EVX1: variants seen among roughly 807,000 people sequenced by gnomAD.
EVX1 encodes even-skipped homeobox 1.
A neutral mutation model predicts 28.6 loss-of-function variants in EVX1; 19 were observed. That is an observed-to-expected ratio of 0.67 (90% CI 0.46 to 0.98). EVX1 has a LOEUF of 0.98. Among genes scored for constraint, EVX1 ranks in the 50% least tolerant of loss-of-function variants. EVX1 has a pLI of 0.00. For missense variants in EVX1, 660 were observed against 583.0 expected, an observed-to-expected ratio of 1.13 and a Z score of -1.36; for synonymous variants, 324 against 278.2, an observed-to-expected ratio of 1.16 and a Z score of -1.64.
chr7:27,245,844 G>A, intron 2 of EVX1, 42 bp from the exon 3 acceptor site: 1 of 1,591,666 alleles, frequency 6.3e-7, no homozygotes, highest in Non-Finnish European at 8.5e-7. Flanking sequence ...CTGAGCATCG[G>A]GCCAAGTCCA....
At position 27,243,254 on chromosome 7, in the gene EVX1, G is replaced by A; in HGVS notation, c.224G>A (p.Gly75Asp). The change falls in exon 1 of 3, where the codon GGC becomes GAC. Residue 75 changes from glycine (G) to aspartate (D), a missense_variant. Transcript: ENST00000496902. ...GAGGAGCCGGTAGATGGACTCGCAGGCAGCGCGGCGGGGCCGGGCGCCGAG... is the reference window on the plus strand; with the variant it reads ...GAGGAGCCGGTAGATGGACTCGCAGACAGCGCGGCGGGGCCGGGCGCCGAG... ...PEEEPVDGLA[G>D]SAAGPGAEPQ... The A allele has an allele frequency of 1.3e-6, 2 of 1,546,092 alleles. No individual in the cohort carries two copies. Among genetic ancestry groups the A allele is most frequent in the Non-Finnish European group, 1.7e-6 (2 of 1,145,822 alleles).
chr7:27,245,416 G>C, intron 2 of EVX1, 112 bp downstream of exon 2: 1 of 1,471,786 alleles, frequency 6.8e-7, no homozygotes, highest in South Asian at 1.3e-5. Context: ...GGGTCTCCCT[G>C]CCCGGCGCGT....
intron 1 of EVX1, 49 bp downstream of exon 1, chr7:27,243,506 T>A: frequency 1.0e-5 from 16 of 1,525,472 alleles, no homozygotes; most frequent in Non-Finnish European, 1.3e-5. Flanking sequence ...GCGCCCACCC[T>A]TCACTTCGGC....
At position 27,243,046 on chromosome 7, in the gene EVX1, G is replaced by C. The variant is rs1297781309; in HGVS notation, c.16G>C (p.Asp6His). 1 of 1,604,790 alleles carries C rather than the reference G, an allele frequency of 6.2e-7. No individual in the cohort carries two copies. Among genetic ancestry groups the C allele is most frequent in the Non-Finnish European group, 8.5e-7 (1 of 1,175,732 alleles). ...GAGCCCCGGGATGGAGAGCCGAAAG[G>C]ACATGGTTGTGTTTCTGGATGGGGG... is the stretch of plus-strand genomic sequence containing the variant. MESRK[D>H]MVVFLDGGQL... The change falls in exon 1 of 3, where the codon GAC (aspartate) becomes CAC (histidine). Residue 6 changes from aspartate to histidine, a missense_variant. Physicochemically the swap from Asp to His is moderately conservative, Grantham distance 81 (BLOSUM62 -1). Around this residue, in one of 3 missense-constraint regions of EVX1, gnomAD observed 308 missense variants for 256.6 expected, o/e 1.20. Coordinates refer to ENST00000496902, the MANE Select transcript of EVX1 (RefSeq NM_001989.5).
intron 1 of EVX1, 150 bp downstream of exon 1, chr7:27,243,607 G>C (rs1783088862): frequency 1.2e-6 from 1 of 842,890 alleles, no homozygotes; most frequent in African/African-American, 1.8e-5. Context: ...GCGTTCTGGC[G>C]GGGGTCTCCT....
At chr7:27,243,674 G>T in intron 1 of EVX1, 1 of 512,660 alleles carries the variant, frequency 2.0e-6, no homozygotes, top group Non-Finnish European at 3.3e-6. Context: ...AGTGCGGGGT[G>T]CTGAGGGGGC....
rs938885579 is a variant in EVX1 at position 27,247,029 on chromosome 7, C to A, written c.*604C>A. 1 of 151,998 alleles carries A rather than the reference C, an allele frequency of 6.6e-6. No homozygotes were observed. Among genetic ancestry groups the A allele is most frequent in the Non-Finnish European group, 1.5e-5 (1 of 68,130 alleles). 9.4% of individuals were successfully genotyped at this position (151,998 alleles called of 1,614,324 possible). On this transcript the variant is annotated 3_prime_UTR_variant, in exon 3 of 3. Transcript: ENST00000496902. ...AGAATCCAGCCCCTTGGCATGGGACCTGGAGCCTCGACTACACAGCATCTT... is the reference window on the plus strand; with the variant it reads ...AGAATCCAGCCCCTTGGCATGGGACATGGAGCCTCGACTACACAGCATCTT...
rs1434355602 is a variant in EVX1 at position 27,243,464 on chromosome 7, A to G, written c.427+7A>G. 1.9e-6 allele frequency: 3 copies of G among 1,573,312 alleles called. No homozygotes were observed. Among genetic ancestry groups the G allele is most frequent in the East Asian group, 4.6e-5 (2 of 43,244 alleles). On this transcript the variant is annotated splice_region_variant and intron_variant, in intron 1 of 2. Transcript: ENST00000496902. ...GAGTACCAGCACAGCAAAGGTAGCCACCGTGCCCCTCCGCTCCCCGGGCCT... is the reference window on the plus strand; with the variant it reads ...GAGTACCAGCACAGCAAAGGTAGCCGCCGTGCCCCTCCGCTCCCCGGGCCT...
In EVX1 at chr7:27,246,510, C is replaced by A; in HGVS notation, c.*85C>A. The A allele has an allele frequency of 7.4e-7, 1 of 1,350,958 alleles. No homozygotes were observed. The highest frequency in any genetic ancestry group is 1.0e-6 in the Non-Finnish European group (1 of 991,736). The allele number at this position is 1,350,958 out of a possible 1,614,324, so 83.7% of individuals were successfully genotyped here. A position where few individuals can be genotyped will look rare whatever the true frequency, so the allele number is the denominator to read the frequency against. Reference sequence around the variant, plus strand: ...ACTCAGCCAGCCTCGCTCCTCGCTCCTCGCTCCTCGCCCCTAGGACGCCAA... The same window carrying A: ...ACTCAGCCAGCCTCGCTCCTCGCTCATCGCTCCTCGCCCCTAGGACGCCAA... On this transcript the variant is annotated 3_prime_UTR_variant, in exon 3 of 3. Transcript: ENST00000496902.
At chr7:27,245,812 A>C in intron 2 of EVX1, 74 bp from the exon 3 acceptor site, 5 of 1,536,952 alleles carry the variant, frequency 3.3e-6, no homozygotes, top group Middle Eastern at 2.4e-4. Context: ...CTGTCCCCGG[A>C]GCGGGACCAG....
chr7:27,244,113 G>A (rs1052548625), intron 1 of EVX1, among the ~76,000 whole-genome samples: 2 of 152,246 alleles, frequency 1.3e-5, no homozygotes, highest in Admixed American at 1.3e-4. Context: ...CAAAGGAAAA[G>A]GAGCTGCAGG....
At position 27,246,519 on chromosome 7, in the gene EVX1, C is replaced by T. The variant is rs914809782; in HGVS notation, c.*94C>T. 3.6e-5 allele frequency: 46 copies of T among 1,293,398 alleles called. 1 individual carries two copies. The highest frequency in any genetic ancestry group is 2.7e-4 in the African/African-American group (18 of 65,510). The allele number at this position is 1,293,398 out of a possible 1,614,324, so 80.1% of individuals were successfully genotyped here. A position where few individuals can be genotyped will look rare whatever the true frequency, so the allele number is the denominator to read the frequency against. On this transcript the variant is annotated 3_prime_UTR_variant, in exon 3 of 3. Coordinates refer to ENST00000496902, the MANE Select transcript of EVX1 (RefSeq NM_001989.5). ...GCCTCGCTCCTCGCTCCTCGCTCCT[C>T]GCCCCTAGGACGCCAAGGGGGAAAG...
Position 27,246,636 on chromosome 7 carries a change from G to A in EVX1, c.*211G>A. 1 of 582,690 alleles carries A rather than the reference G, an allele frequency of 1.7e-6. No homozygotes were observed. Among genetic ancestry groups the A allele is most frequent in the Non-Finnish European group, 2.9e-6 (1 of 342,684 alleles). 36.1% of individuals were successfully genotyped at this position (582,690 alleles called of 1,614,324 possible). On this transcript the variant is annotated 3_prime_UTR_variant, in exon 3 of 3. Coordinates refer to ENST00000496902, the MANE Select transcript of EVX1 (RefSeq NM_001989.5). ...CTGGCGCGTTTGGGGAGCAGGAGTGGGGATAGGGAAGCAGAGCTTGAGAGA... is the reference window on the plus strand; with the variant it reads ...CTGGCGCGTTTGGGGAGCAGGAGTGAGGATAGGGAAGCAGAGCTTGAGAGA...
At position 27,246,166 on chromosome 7, in the gene EVX1, T is replaced by A; in HGVS notation, c.965T>A (p.Leu322Gln). ...VLSQPYPRPE[L>Q]LCAFRHPPLY... ...TCGCAGCCCTACCCGCGGCCCGAAC[T>A]GCTGTGCGCCTTCCGCCACCCGCCG... is the stretch of plus-strand genomic sequence containing the variant. The change falls in exon 3 of 3, where the codon CTG (leucine) becomes CAG (glutamine). Residue 322 changes from leucine to glutamine, a missense_variant. Around this residue, in one of 3 missense-constraint regions of EVX1, gnomAD observed 299 missense variants for 241.3 expected, o/e 1.24. Transcript: ENST00000496902. 1 of 1,493,136 alleles carries A rather than the reference T, an allele frequency of 6.7e-7. No homozygotes were observed. The highest frequency in any genetic ancestry group is 8.8e-7 in the Non-Finnish European group (1 of 1,131,462). 92.5% of individuals were successfully genotyped at this position (1,493,136 alleles called of 1,614,324 possible). A position where few individuals can be genotyped will look rare whatever the true frequency, so the allele number is the denominator to read the frequency against.
At position 27,242,863 on chromosome 7, in the gene EVX1, C is replaced by G. The variant is rs557013272; in HGVS notation, c.-168C>G. 8 of 675,764 alleles carry G rather than the reference C, an allele frequency of 1.2e-5. No individual in the cohort carries two copies. In the South Asian group the frequency reaches 1.6e-4, roughly 14 times the overall value. The allele number at this position is 675,764 out of a possible 1,614,324, so 41.9% of individuals were successfully genotyped here. On this transcript the variant is annotated 5_prime_UTR_variant, in exon 1 of 3. Coordinates refer to ENST00000496902, the MANE Select transcript of EVX1 (RefSeq NM_001989.5). ...AGGTGACCCTAGCTCCCACCGCCACCGCCGCGGTCGCGGTCCAGACCGCGC... is the reference window on the plus strand; with the variant it reads ...AGGTGACCCTAGCTCCCACCGCCACGGCCGCGGTCGCGGTCCAGACCGCGC...
intron 2 of EVX1, 30 bp downstream of exon 2, chr7:27,245,334 T>C: frequency 6.2e-7 from 1 of 1,608,994 alleles, no homozygotes; most frequent in East Asian, 2.2e-5. Context: ...GGGAGGCGGG[T>C]GTGCACCTAT....
In EVX1 at chr7:27,246,818, C is replaced by T; in HGVS notation, c.*393C>T. ...ACCTCACACTCCCTTCTCACCGGGC[C>T]CCCTCTCCCCAGCCAAGGCCCAAGC... is the stretch of plus-strand genomic sequence containing the variant. On this transcript the variant is annotated 3_prime_UTR_variant, in exon 3 of 3. Transcript: ENST00000496902. The T allele has an allele frequency of 3.6e-6, 1 of 275,678 alleles. No homozygotes were observed. The highest frequency in any genetic ancestry group is 6.7e-6 in the Non-Finnish European group (1 of 148,420). 17.1% of individuals were successfully genotyped at this position (275,678 alleles called of 1,614,324 possible).
At position 27,246,021 on chromosome 7, in the gene EVX1, C is replaced by G; in HGVS notation, c.820C>G (p.Pro274Ala). The G allele has an allele frequency of 1.3e-6, 2 of 1,599,058 alleles. No homozygotes were observed. The highest frequency in any genetic ancestry group is 1.7e-6 in the Non-Finnish European group (2 of 1,179,382). ...CGCGGGCGGCCTGCCCTACCCCTTCCCATCGCACCTGCCCCTGCCCTACTA... is the reference window on the plus strand; with the variant it reads ...CGCGGGCGGCCTGCCCTACCCCTTCGCATCGCACCTGCCCCTGCCCTACTA... ...AAAGGLPYPF[P>A]SHLPLPYYSP... The change falls in exon 3 of 3, where the codon CCA becomes GCA. Residue 274 changes from proline (P) to alanine (A), a missense_variant. Coordinates refer to ENST00000496902, the MANE Select transcript of EVX1 (RefSeq NM_001989.5).
rs1342073937 is a variant in EVX1, at chr7:27,246,307, A to G, written c.1106A>G (p.Asp369Gly). Reference sequence around the variant, plus strand: ...GCGCCCCGGGCTGCCGCCGCCTCGGACTTCACCTGTGCCTCCACCTCCCGC... The same window carrying G: ...GCGCCCCGGGCTGCCGCCGCCTCGGGCTTCACCTGTGCCTCCACCTCCCGC... Reference protein sequence around the residue: ...GLAPRAAAASDFTCASTSRSD... With the variant: ...GLAPRAAAASGFTCASTSRSD... The change falls in exon 3 of 3, where the codon GAC becomes GGC. Residue 369 changes from aspartate (D) to glycine (G), a missense_variant. Around this residue, in one of 3 missense-constraint regions of EVX1, gnomAD observed 299 missense variants for 241.3 expected, o/e 1.24. Transcript: ENST00000496902. The G allele has an allele frequency of 6.3e-7, 1 of 1,591,646 alleles. No homozygotes were observed. Among genetic ancestry groups the G allele is most frequent in the South Asian group, 1.1e-5 (1 of 89,262 alleles).
Sources: allele counts gnomAD v4.1 joint callset (sites outside exome capture counted in the v4.1 genomes callset), GRCh38; gene constraint gnomAD v4.1.1; regional missense constraint gnomAD v4.1.1; transcripts MANE v1.5; gene names NCBI Gene and HGNC (gene_info 2026-07-23, HGNC 2026-07-21).